The following KSR2 variants were observed in gnomAD, a reference collection of about 807,000 sequenced individuals.
KSR2 encodes kinase suppressor of ras 2.
KSR2 carries 25 observed loss-of-function variants against 107.8 expected under a neutral mutation model. That is an observed-to-expected ratio of 0.23 (90% CI 0.17 to 0.32). The LOEUF is 0.32. KSR2 is among the 10% of genes least tolerant of loss of function. KSR2 has a pLI of 1.00. For missense variants in KSR2, 887 were observed against 1,268.9 expected, an observed-to-expected ratio of 0.70 and a Z score of 4.57; for synonymous variants, 480 against 507.0, an observed-to-expected ratio of 0.95 and a Z score of 0.71.
At chr12:117,894,742 C>CCTTCCCGTCCCCATCTCCCT in intron 1 of KSR2, among the ~76,000 whole-genome samples, 2 of 116,928 alleles carry the variant, frequency 1.7e-5, no homozygotes, top group South Asian at 8.0e-4. Flanking sequence ...TCCCTCTCCC[C>CCTTCCCGTCCCCATCTCCCT]CTCCCCCTCT....
chr12:117,760,199 C>T (rs1254960842), intron 4 of KSR2, among the ~76,000 whole-genome samples: 2 of 152,194 alleles, frequency 1.3e-5, no homozygotes, highest in South Asian at 4.1e-4. Flanking sequence ...TACTGATGGA[C>T]ACAGGTTGTT....
At chr12:117,505,397 G>A (rs879532565) in intron 14 of KSR2, among the ~76,000 whole-genome samples, 25 of 152,096 alleles carry the variant, frequency 1.6e-4, no homozygotes, top group Non-Finnish European at 2.8e-4. Context: ...AAACCCAAAC[G>A]TTTTGTTTTC....
At chr12:117,771,492 G>C (rs1036992270) in intron 3 of KSR2, among the ~76,000 whole-genome samples, 1 of 152,210 alleles carries the variant, frequency 6.6e-6, no homozygotes, top group African/African-American at 2.4e-5. Flanking sequence ...TCATGGGCGT[G>C]CATCTTCAGC....
At chr12:117,659,893 T>C (rs970187991) in intron 5 of KSR2, among the ~76,000 whole-genome samples, 2 of 152,206 alleles carry the variant, frequency 1.3e-5, no homozygotes, top group African/African-American at 4.8e-5. Context: ...CTTGTAAAAG[T>C]CAGGATCTCC....
At chr12:117,528,999 A>C (rs1875421082) in intron 12 of KSR2, among the ~76,000 whole-genome samples, 1 of 152,224 alleles carries the variant, frequency 6.6e-6, no homozygotes, top group Non-Finnish European at 1.5e-5. Flanking sequence ...GCTAGATGTC[A>C]GCACCATATC....
chr12:117,613,865 T>C (rs1239650962), intron 5 of KSR2, among the ~76,000 whole-genome samples: 1 of 152,144 alleles, frequency 6.6e-6, no homozygotes, highest in South Asian at 2.1e-4. Flanking sequence ...TGCTTCTCCA[T>C]CCTTCACTTT....
chr12:117,743,186 C>G (rs1888286704), intron 4 of KSR2, among the ~76,000 whole-genome samples: 1 of 152,234 alleles, frequency 6.6e-6, no homozygotes, highest in Non-Finnish European at 1.5e-5. Flanking sequence ...AGCCTGCCAA[C>G]TAGAACTCTT....
chr12:117,699,120 T>C (rs1886198459), intron 4 of KSR2, among the ~76,000 whole-genome samples: 1 of 152,248 alleles, frequency 6.6e-6, no homozygotes, highest in African/African-American at 2.4e-5. Flanking sequence ...TATGTGCCTT[T>C]TGTCTATCTC....
At chr12:117,946,697 T>C (rs1896189454) in intron 1 of KSR2, among the ~76,000 whole-genome samples, 1 of 152,080 alleles carries the variant, frequency 6.6e-6, no homozygotes. Flanking sequence ...ATATCCCTCA[T>C]GAACACAGAC....
At chr12:117,956,771 A>AT (rs1896531476) in intron 1 of KSR2, among the ~76,000 whole-genome samples, 2 of 151,976 alleles carry the variant, frequency 1.3e-5, no homozygotes, top group African/African-American at 4.8e-5. Context: ...CTCTTAAAAA[A>AT]ATTTTTTTTA....
intron 1 of KSR2, among the ~76,000 whole-genome samples, chr12:117,921,258 T>C (rs764501469): frequency 1.3e-5 from 2 of 152,208 alleles, no homozygotes; most frequent in African/African-American, 2.4e-5. Flanking sequence ...GCACATTAAA[T>C]ATTAAATGAC....
intron 1 of KSR2, among the ~76,000 whole-genome samples, chr12:117,899,910 C>T (rs1004599503): frequency 6.6e-6 from 1 of 152,196 alleles, no homozygotes; most frequent in Non-Finnish European, 1.5e-5. Flanking sequence ...AGTGTATCTC[C>T]ACCGAACAGT....
Position 117,920,167 on chromosome 12 carries a change from T to C in KSR2, c.180+47909A>G, listed in dbSNP as rs367819501. 3.3e-5 allele frequency among the ~76,000 whole-genome samples: 5 copies of C among 152,188 alleles called. No homozygotes were observed. The East Asian group carries it at 7.7e-4, about 23-fold the overall frequency. On this transcript the variant is annotated intron_variant, in intron 1 of 19. Transcript: ENST00000339824. ...AGGCTAGAGGAGAGTGGCACAATCA[T>C]GGCTCACTGCAGTCTTGACCTCCCA...
rs1239395281 is a variant in KSR2, at chr12:117,464,646, G to T, written c.*2553C>A. ...TCAACAAGTCAGGGCGGTGTAGAGG[G>T]GACAGGGTAGGGGCGTCAGGAAGGC... On this transcript the variant is annotated 3_prime_UTR_variant, in exon 20 of 20. Transcript: ENST00000339824. 1 of 152,262 alleles carries T rather than the reference G, an allele frequency of 6.6e-6. No homozygotes were observed. The highest frequency in any genetic ancestry group is 2.4e-5 in the African/African-American group (1 of 41,442). 9.4% of individuals were successfully genotyped at this position (152,262 alleles called of 1,614,324 possible).
intron 3 of KSR2, among the ~76,000 whole-genome samples, chr12:117,828,647 G>A (rs750733171): frequency 1.1e-4 from 16 of 152,200 alleles, no homozygotes; most frequent in Non-Finnish European, 2.2e-4. Flanking sequence ...TGAGTTACAA[G>A]GGTGGACAGC....
At position 117,916,272 on chromosome 12, in the gene KSR2, G is replaced by C. The variant is rs143204811; in HGVS notation, c.180+51804C>G. On this transcript the variant is annotated intron_variant, in intron 1 of 19. Transcript: ENST00000339824. ...CTGCCTCAGCCTCTTGAGTAGCCGG[G>C]ACCACAGACAGGCACCACCACGCCT... Among the ~76,000 whole-genome samples, 955 of 151,594 alleles carry C rather than the reference G, an allele frequency of 6.3e-3. 9 individuals are homozygous for C. Among genetic ancestry groups the C allele is most frequent in the African/African-American group, 0.022 (890 of 41,318 alleles).
intron 4 of KSR2, among the ~76,000 whole-genome samples, chr12:117,733,944 G>A (rs912488492): frequency 6.6e-6 from 1 of 152,160 alleles, no homozygotes; most frequent in Non-Finnish European, 1.5e-5. Context: ...GCCCAATGAT[G>A]TCACTAAATA....
chr12:117,745,993 A>G (rs1888392629), intron 4 of KSR2, among the ~76,000 whole-genome samples: 1 of 152,240 alleles, frequency 6.6e-6, no homozygotes, highest in Non-Finnish European at 1.5e-5. Flanking sequence ...TATCATGAAC[A>G]TGACTTTACT....
At chr12:117,591,524 G>A (rs141162813) in intron 5 of KSR2, among the ~76,000 whole-genome samples, 1 of 152,250 alleles carries the variant, frequency 6.6e-6, no homozygotes, top group Non-Finnish European at 1.5e-5. Flanking sequence ...GTGTCTCCAG[G>A]TAGCAGCTGA....
Sources: allele counts gnomAD v4.1 joint callset (sites outside exome capture counted in the v4.1 genomes callset), GRCh38; gene constraint gnomAD v4.1.1; transcripts MANE v1.5; gene names NCBI Gene and HGNC (gene_info 2026-07-23, HGNC 2026-07-21).